The following CAPZB variants were observed in gnomAD, a reference collection of about 807,000 sequenced individuals.
CAPZB encodes F-actin-capping protein subunit beta.
CAPZB carries 2 observed loss-of-function variants against 38.1 expected under a neutral mutation model. The observed-to-expected ratio is 0.05, with a 90% CI of 0.02 to 0.17. The LOEUF (loss-of-function observed/expected upper bound fraction) is 0.17. Among genes scored for constraint, CAPZB ranks in the 10% least tolerant of loss-of-function variants. The probability of loss-of-function intolerance (pLI) is 1.00; values close to 1 mark genes in which losing one functional copy is unlikely to be tolerated. For missense variants in CAPZB, 161 were observed against 334.2 expected, an observed-to-expected ratio of 0.48 and a Z score of 4.04; for synonymous variants, 107 against 127.4, an observed-to-expected ratio of 0.84 and a Z score of 1.08.
chr1:19,357,343 T>C lies in CAPZB; in HGVS notation c.471+79A>G. 6.1e-6 allele frequency: 8 copies of C among 1,314,972 alleles called. No individual in the cohort carries two copies. In the South Asian group the frequency reaches 8.7e-5, roughly 14 times the overall value. The allele number at this position is 1,314,972 out of a possible 1,614,324, so 81.5% of individuals were successfully genotyped here. On this transcript the variant is annotated intron_variant, in intron 5 of 8. Transcript: ENST00000264202. The surrounding 1 kb of genome is among the most constrained non-coding windows in gnomAD (Gnocchi z 4.3). ...GATCACAGCATCCCCCTACTGCATC[T>C]GTTAGAGAGCAGCGCGGCACTGGTT...
rs1167146859 is a variant in CAPZB, at chr1:19,379,138, G to A, written c.216-485C>T. Among the ~76,000 whole-genome samples the A allele has an allele frequency of 4.4e-5, 6 of 136,724 alleles. No homozygotes were observed. In the East Asian group the frequency reaches 6.3e-4, roughly 14 times the overall value. 89.7% of individuals were successfully genotyped at this position (136,724 alleles called of 152,430 possible). A position where few individuals can be genotyped will look rare whatever the true frequency, so the allele number is the denominator to read the frequency against. Reference sequence around the variant, plus strand: ...TTTTAAGACAGAGTCTAGCTCTGTCGCCCAGGCTGGAGTGCAGTGGCGTGA... The same window carrying A: ...TTTTAAGACAGAGTCTAGCTCTGTCACCCAGGCTGGAGTGCAGTGGCGTGA... On this transcript the variant is annotated intron_variant, in intron 3 of 8. Transcript: ENST00000264202.
chr1:19,349,682 A>G (rs904743005), intron 6 of CAPZB, among the ~76,000 whole-genome samples: 1 of 152,180 alleles, frequency 6.6e-6, no homozygotes, highest in Non-Finnish European at 1.5e-5. Flanking sequence ...AGTGTGCGAC[A>G]CTGTCCCCAG....
At chr1:19,427,173 A>G (rs905157329) in intron 1 of CAPZB, among the ~76,000 whole-genome samples, 4 of 152,184 alleles carry the variant, frequency 2.6e-5, no homozygotes, top group African/African-American at 9.7e-5. Context: ...TTTTAATTTC[A>G]AAGACAGGCA....
intron 2 of CAPZB, among the ~76,000 whole-genome samples, chr1:19,411,290 T>C (rs2094356020): frequency 6.6e-6 from 1 of 152,230 alleles, no homozygotes; most frequent in Non-Finnish European, 1.5e-5. Context: ...AAGAGTCAAA[T>C]TGTTAATCTG....
intron 1 of CAPZB, among the ~76,000 whole-genome samples, chr1:19,482,825 C>T (rs2094634541): frequency 6.6e-6 from 1 of 151,904 alleles, no homozygotes; most frequent in South Asian, 2.1e-4. Context: ...AACCTCACAC[C>T]ACCACTTCTG....
In CAPZB at chr1:19,345,226, G is replaced by A. The variant is rs762205314; in HGVS notation, c.615C>T (p.Asp205=). ...CGATGTTGGCTATGTGTGGGGAGCA[G>A]TCACTCACAGTTTCATCCTTCTCCA... ...RQMEKDETVS[D]CSPHIANIGR... The change falls in exon 7 of 9, where the codon GAC becomes GAT. Residue 205 remains aspartate, a synonymous_variant. Coordinates refer to ENST00000264202, the MANE Select transcript of CAPZB (RefSeq NM_004930.5). The A allele has an allele frequency of 1.2e-6, 2 of 1,613,868 alleles. No homozygotes were observed. Among genetic ancestry groups the A allele is most frequent in the Non-Finnish European group, 1.7e-6 (2 of 1,179,812 alleles).
intron 6 of CAPZB, among the ~76,000 whole-genome samples, chr1:19,353,313 G>A (rs1458142379): frequency 1.3e-5 from 2 of 152,132 alleles, no homozygotes; most frequent in Non-Finnish European, 2.9e-5. Flanking sequence ...CCTGGATGAG[G>A]CCAGGTTTCC....
At chr1:19,385,762 C>A in intron 2 of CAPZB, 136 bp from the exon 3 acceptor site, 3 of 967,304 alleles carry the variant, frequency 3.1e-6, no homozygotes, top group Non-Finnish European at 3.4e-6. Flanking sequence ...AATTATGGGC[C>A]TGTTCTTTTC....
At chr1:19,440,678 G>A (rs2094472946) in intron 1 of CAPZB, among the ~76,000 whole-genome samples, 1 of 152,168 alleles carries the variant, frequency 6.6e-6, no homozygotes, top group African/African-American at 2.4e-5. Context: ...ATTAGTGTCT[G>A]GATAGGCATC....
intron 1 of CAPZB, among the ~76,000 whole-genome samples, chr1:19,485,123 G>A (rs756899993): frequency 6.6e-6 from 1 of 152,214 alleles, no homozygotes; most frequent in Non-Finnish European, 1.5e-5. Flanking sequence ...GTGCCTGGCT[G>A]GGGACACGGT....
chr1:19,448,195 C>G (rs756417230), intron 1 of CAPZB, among the ~76,000 whole-genome samples: 5 of 152,236 alleles, frequency 3.3e-5, no homozygotes, highest in African/African-American at 1.2e-4. Flanking sequence ...AAGGGTGGTG[C>G]GCCGCTGCGC....
chr1:19,474,138 C>A (rs7553034), intron 1 of CAPZB, among the ~76,000 whole-genome samples: 1 of 151,776 alleles, frequency 6.6e-6, no homozygotes, highest in Non-Finnish European at 1.5e-5. Flanking sequence ...TAGGACTACA[C>A]GTGTGTGCCA....
intron 2 of CAPZB, among the ~76,000 whole-genome samples, chr1:19,408,617 G>C (rs544555215): frequency 2.6e-4 from 40 of 152,356 alleles, no homozygotes; most frequent in African/African-American, 9.4e-4. Context: ...AGGGGAGCCT[G>C]AAAGTGGTGA....
At chr1:19,401,810 T>C (rs191117738) in intron 2 of CAPZB, among the ~76,000 whole-genome samples, 34 of 152,310 alleles carry the variant, frequency 2.2e-4, no homozygotes, top group Non-Finnish European at 4.3e-4. Context: ...CGACCTATAA[T>C]AACATAAGAA....
intron 1 of CAPZB, among the ~76,000 whole-genome samples, chr1:19,441,869 G>A (rs1263787518): frequency 1.3e-5 from 2 of 151,974 alleles, no homozygotes; most frequent in African/African-American, 2.4e-5. Context: ...TTAGCTGGGC[G>A]TGGTGGTGGA....
intron 3 of CAPZB, among the ~76,000 whole-genome samples, chr1:19,380,167 C>T (rs1025244950): frequency 2.6e-5 from 4 of 152,308 alleles, no homozygotes; most frequent in African/African-American, 9.6e-5. Flanking sequence ...CACCAGCCAC[C>T]CGCAGGCAGC....
chr1:19,434,958 G>A (rs12132242), intron 1 of CAPZB, among the ~76,000 whole-genome samples: 2,654 of 73,662 alleles, frequency 0.036, 1,316 homozygotes, highest in Non-Finnish European at 0.057. Flanking sequence ...TGATAATCAA[G>A]TCAGTCAAAA....
chr1:19,417,534 C>G (rs2094385238), intron 2 of CAPZB, among the ~76,000 whole-genome samples: 1 of 152,202 alleles, frequency 6.6e-6, no homozygotes, highest in African/African-American at 2.4e-5. Context: ...AGACCACATT[C>G]TGTAGTCCTA....
chr1:19,482,141 GGAATGTAAAA>G (rs2094631571), intron 1 of CAPZB, among the ~76,000 whole-genome samples: 1 of 152,166 alleles, frequency 6.6e-6, no homozygotes, highest in Non-Finnish European at 1.5e-5. Context: ...CCCACCTCAT[GGAATGTAAAA>G]GTATAGGATG....
Sources: gnomAD v4.1 joint callset for allele counts (sites outside exome capture counted in the v4.1 genomes callset) on GRCh38, gnomAD v4.1.1 for gene constraint, Gnocchi (gnomAD v3.1) non-coding constraint, MANE v1.5 for transcripts, NCBI Gene and HGNC (gene_info 2026-07-23, HGNC 2026-07-21) for gene names.